Variants in PID1 observed in about 807,000 individuals in gnomAD.
PID1 encodes phosphotyrosine interaction domain containing 1.
PID1 carries 10 observed loss-of-function variants against 19.1 expected under a neutral mutation model. The observed-to-expected ratio is 0.52, with a 90% CI of 0.32 to 0.89. The LOEUF (loss-of-function observed/expected upper bound fraction) is 0.89. Among genes scored for constraint, PID1 ranks in the 40% least tolerant of loss-of-function variants. The pLI is 0.03. For synonymous variants in PID1, 130 were observed against 116.0 expected, an observed-to-expected ratio of 1.12 and a Z score of -0.78; for missense variants, 248 against 285.3, an observed-to-expected ratio of 0.87 and a Z score of 0.94.
chr2:229,232,981 T>C (rs1434001617), intron 1 of PID1, among the ~76,000 whole-genome samples: 1 of 152,024 alleles, frequency 6.6e-6, no homozygotes, highest in Non-Finnish European at 1.5e-5. Context: ...CATATCATAG[T>C]ATGGCCACTA....
At chr2:229,243,353 C>T (rs989720709) in intron 1 of PID1, among the ~76,000 whole-genome samples, 1 of 152,080 alleles carries the variant, frequency 6.6e-6, no homozygotes, top group African/African-American at 2.4e-5. Context: ...AGAGCCAAAC[C>T]ATATCAATCC....
chr2:229,205,287 T>C (rs1691586698), intron 1 of PID1, among the ~76,000 whole-genome samples: 1 of 151,786 alleles, frequency 6.6e-6, no homozygotes, highest in Non-Finnish European at 1.5e-5. Context: ...ACACATACTA[T>C]ATTTTTTACA....
intron 2 of PID1, among the ~76,000 whole-genome samples, chr2:229,059,140 C>T (rs772364201): frequency 2.0e-5 from 3 of 151,998 alleles, no homozygotes; most frequent in Non-Finnish European, 4.4e-5. Context: ...TACAAAAAAA[C>T]GAAATGGATG....
chr2:229,058,152 C>T (rs1215988539), intron 2 of PID1, among the ~76,000 whole-genome samples: 1 of 152,170 alleles, frequency 6.6e-6, no homozygotes, highest in Non-Finnish European at 1.5e-5. Flanking sequence ...CTTCTTAATC[C>T]TGCTCTATAT....
intron 2 of PID1, among the ~76,000 whole-genome samples, chr2:229,043,638 T>C (rs1180695315): frequency 6.6e-6 from 1 of 152,220 alleles, no homozygotes; most frequent in African/African-American, 2.4e-5. Context: ...TCTTTCATTA[T>C]TTTTCAAGAA....
chr2:229,040,328 C>T (rs559108930), intron 2 of PID1, among the ~76,000 whole-genome samples: 5 of 151,828 alleles, frequency 3.3e-5, no homozygotes, highest in African/African-American at 1.2e-4. Context: ...AACAAACAAA[C>T]AAACAAACAA....
intron 2 of PID1, among the ~76,000 whole-genome samples, chr2:229,136,422 G>A (rs1689858616): frequency 6.6e-6 from 1 of 152,006 alleles, no homozygotes; most frequent in Non-Finnish European, 1.5e-5. Context: ...ACTGTGTTAA[G>A]CCATTAATTT....
At chr2:229,222,269 G>A (rs1179080040) in intron 1 of PID1, among the ~76,000 whole-genome samples, 1 of 152,080 alleles carries the variant, frequency 6.6e-6, no homozygotes, top group African/African-American at 2.4e-5. Flanking sequence ...AAGCCCATGT[G>A]TTCGCGGGTC....
chr2:229,165,379 C>T (rs574920128), intron 1 of PID1, among the ~76,000 whole-genome samples: 4 of 152,104 alleles, frequency 2.6e-5, no homozygotes, highest in Non-Finnish European at 5.9e-5. Flanking sequence ...ACAGGCAGAC[C>T]GCTTAAGCTC....
intron 2 of PID1, among the ~76,000 whole-genome samples, chr2:229,033,423 C>T (rs528918125): frequency 6.6e-6 from 1 of 152,072 alleles, no homozygotes; most frequent in African/African-American, 2.4e-5. Flanking sequence ...CTGTGACTAA[C>T]ACAAGAACAG....
intron 1 of PID1, among the ~76,000 whole-genome samples, chr2:229,262,408 G>C (rs1690482678): frequency 6.6e-6 from 1 of 152,142 alleles, no homozygotes; most frequent in Admixed American, 6.5e-5. Context: ...AGGAAATAAA[G>C]GAGAAAGAAG....
At chr2:229,042,484 C>T (rs996746238) in intron 2 of PID1, among the ~76,000 whole-genome samples, 2 of 152,020 alleles carry the variant, frequency 1.3e-5, no homozygotes, top group African/African-American at 4.8e-5. Flanking sequence ...GATCAAAATC[C>T]ACCCTCTCAT....
intron 1 of PID1, among the ~76,000 whole-genome samples, chr2:229,255,283 C>A (rs1409154567): frequency 3.3e-5 from 5 of 152,120 alleles, no homozygotes; most frequent in Non-Finnish European, 7.3e-5. Flanking sequence ...TATGTTTATG[C>A]TAAAAATCAT....
At chr2:229,257,098 G>A (rs1331558188) in intron 1 of PID1, among the ~76,000 whole-genome samples, 1 of 152,136 alleles carries the variant, frequency 6.6e-6, no homozygotes, top group African/African-American at 2.4e-5. Context: ...TGTGGCTTTA[G>A]ATCTGCTTTT....
chr2:229,084,092 C>A (rs1020729329), intron 2 of PID1, among the ~76,000 whole-genome samples: 1 of 152,168 alleles, frequency 6.6e-6, no homozygotes, highest in African/African-American at 2.4e-5. Flanking sequence ...TAAATAGTTA[C>A]ATTCTGCTGG....
chr2:229,125,024 GTATGACTATTTACCAA>G (rs1432091012), intron 2 of PID1, among the ~76,000 whole-genome samples: 1 of 152,166 alleles, frequency 6.6e-6, no homozygotes, highest in African/African-American at 2.4e-5. Context: ...AATGAAATGT[GTATGACTATTTACCAA>G]TATCGAGGTC....
At chr2:229,173,697 G>A (rs932178305) in intron 1 of PID1, among the ~76,000 whole-genome samples, 1 of 152,156 alleles carries the variant, frequency 6.6e-6, no homozygotes, top group East Asian at 1.9e-4. Flanking sequence ...GTGTGCTAAG[G>A]AAGCCTAGAG....
At chr2:229,119,862 A>G (rs1695482555) in intron 2 of PID1, among the ~76,000 whole-genome samples, 1 of 152,208 alleles carries the variant, frequency 6.6e-6, no homozygotes, top group African/African-American at 2.4e-5. Context: ...TAAAAGCAAG[A>G]AAAATGCAGA....
chr2:229,232,361 G>A (rs1049719378), intron 1 of PID1, among the ~76,000 whole-genome samples: 2 of 138,394 alleles, frequency 1.4e-5, no homozygotes, highest in Non-Finnish European at 3.0e-5. Context: ...GAACCTGTGA[G>A]GCAGAGCCTG....
Sources: gnomAD v4.1 joint callset for allele counts (sites outside exome capture counted in the v4.1 genomes callset) on GRCh38, gnomAD v4.1.1 for gene constraint, MANE v1.5 for transcripts, NCBI Gene and HGNC (gene_info 2026-07-23, HGNC 2026-07-21) for gene names.